The following ANKS3 variants were observed in gnomAD, a reference collection of about 807,000 sequenced individuals.
The protein encoded by ANKS3 is ankyrin repeat and SAM domain-containing protein 3.
In ANKS3, 62 loss-of-function variants were observed where a neutral mutation model predicts 80.7. The ratio of observed to expected loss-of-function variants is 0.77; its 90% CI spans 0.63 to 0.95. ANKS3 has a LOEUF of 0.95. ANKS3 is among the 40% of genes least tolerant of loss of function. ANKS3 has a pLI of 0.00. For missense variants in ANKS3, 1,150 were observed against 883.6 expected (o/e 1.30, Z -3.82); for synonymous variants, 489 against 355.3 (o/e 1.38, Z -4.23).
Position 4,726,763 on chromosome 16 carries a change from T to A in ANKS3, c.387A>T (p.Glu129Asp), listed in dbSNP as rs763248907. The A allele has an allele frequency of 1.9e-6, 3 of 1,613,974 alleles. No individual in the cohort carries two copies. Among genetic ancestry groups the A allele is most frequent in the South Asian group, 1.1e-5 (1 of 91,092 alleles). Residue 129 changes from glutamate to aspartate, a missense_variant, in exon 5 of 18, where the codon GAA (glutamate) becomes GAT (aspartate). Physicochemically the swap from Glu to Asp is conservative, Grantham distance 45. Coordinates refer to ENST00000304283, the MANE Select transcript of ANKS3 (RefSeq NM_133450.4). ...YFLLQQGAEL[E>D]MKDIQGWTAL... is the part of the protein sequence containing the mutation. ...CTGTCCAGCCCTGGATGTCTTTCAT[T>A]TCTAGCTCTGCACCTTGCTTCAAGA...
At chr16:4,724,451 T>C (rs2081254874) in intron 6 of ANKS3, among the ~76,000 whole-genome samples, 1 of 152,224 alleles carries the variant, frequency 6.6e-6, no homozygotes. Flanking sequence ...TCTTATTCTA[T>C]ATAATTTTTC....
chr16:4,713,193 G>T (rs1296569574), intron 7 of ANKS3, among the ~76,000 whole-genome samples: 1 of 152,098 alleles, frequency 6.6e-6, no homozygotes, highest in African/African-American at 2.4e-5. Flanking sequence ...GCTTGAACCT[G>T]GGAGGAAGAG....
At position 4,707,483 on chromosome 16, in the gene ANKS3, T is replaced by C. The variant is rs764360788; in HGVS notation, c.710-2230A>G. ...TTTGAGTAGAGACAAGGTTTCACCA[T>C]GTAGGCTGGACTGGTCTCGAACTCC... On this transcript the variant is annotated intron_variant, in intron 7 of 17. Coordinates refer to ENST00000304283, the MANE Select transcript of ANKS3 (RefSeq NM_133450.4). 2.0e-5 allele frequency among the ~76,000 whole-genome samples: 3 copies of C among 152,058 alleles called. No individual in the cohort carries two copies. In the South Asian group the frequency reaches 6.2e-4, roughly 32 times the overall value.
rs577897261 is a variant in ANKS3 at position 4,721,148 on chromosome 16, A to G, written c.573+3602T>C. 4.4e-3 allele frequency among the ~76,000 whole-genome samples: 654 copies of G among 149,360 alleles called. 6 individuals carry two copies. The highest frequency in any genetic ancestry group is 0.015 in the African/African-American group (622 of 40,816). Reference sequence around the variant, plus strand: ...GTGAAACCCCGTCTCTACTAAAAATATGAAAAATTAGCTGGGCATGGTGGC... The same window carrying G: ...GTGAAACCCCGTCTCTACTAAAAATGTGAAAAATTAGCTGGGCATGGTGGC... On this transcript the variant is annotated intron_variant, in intron 6 of 17. Coordinates refer to ENST00000304283, the MANE Select transcript of ANKS3 (RefSeq NM_133450.4).
chr16:4,710,505 T>C (rs1425382468), intron 7 of ANKS3, among the ~76,000 whole-genome samples: 1 of 152,146 alleles, frequency 6.6e-6, no homozygotes, highest in Non-Finnish European at 1.5e-5. Flanking sequence ...CTCAGGACTC[T>C]TGAGACCAGC....
intron 6 of ANKS3, among the ~76,000 whole-genome samples, chr16:4,717,893 T>G (rs1337415747): frequency 6.6e-6 from 1 of 151,930 alleles, no homozygotes; most frequent in Non-Finnish European, 1.5e-5. Flanking sequence ...CCTTCCGGGT[T>G]CAAGTGATTC....
chr16:4,709,254 A>G (rs2080362446), intron 7 of ANKS3, among the ~76,000 whole-genome samples: 1 of 151,800 alleles, frequency 6.6e-6, no homozygotes, highest in South Asian at 2.1e-4. Context: ...CAAAAATGCA[A>G]AATTAGCCAG....
At chr16:4,708,535 G>C (rs1459869765) in intron 7 of ANKS3, among the ~76,000 whole-genome samples, 1 of 152,088 alleles carries the variant, frequency 6.6e-6, no homozygotes, top group East Asian at 1.9e-4. Context: ...AAAAATAAAA[G>C]CAGAAATTAA....
At position 4,698,540 on chromosome 16, in the gene ANKS3, G is replaced by T. The variant is rs140897507; in HGVS notation, c.1611C>A (p.Ala537=). Residue 537 remains alanine (A), a synonymous_variant, in exon 14 of 18, where the codon GCC becomes GCA. Coordinates refer to ENST00000304283, the MANE Select transcript of ANKS3 (RefSeq NM_133450.4). ...GQVCQEQELR[A]VVESCLLEQD... ...GCTCCAGCAGGCAGCTCTCCACCAC[G>T]GCGCGCAGCTCCTGCTCCTGACACA... 4 of 1,577,920 alleles carry T rather than the reference G, an allele frequency of 2.5e-6. No individual in the cohort carries two copies. Among genetic ancestry groups the T allele is most frequent in the South Asian group, 1.1e-5 (1 of 88,582 alleles).
chr16:4,721,561 A>G (rs1232719934), intron 6 of ANKS3, among the ~76,000 whole-genome samples: 1 of 151,398 alleles, frequency 6.6e-6, no homozygotes, highest in Admixed American at 6.6e-5. Flanking sequence ...CAGTGAGCTG[A>G]GACTGCACCA....
At position 4,698,817 on chromosome 16, in the gene ANKS3, C is replaced by T. The variant is rs889913932; in HGVS notation, c.1534G>A (p.Ala512Thr). 9 of 1,606,374 alleles carry T rather than the reference C, an allele frequency of 5.6e-6. No homozygotes were observed. Among genetic ancestry groups the T allele is most frequent in the Admixed American group, 1.7e-5 (1 of 59,412 alleles). Residue 512 changes from alanine (A) to threonine (T), a missense_variant, in exon 13 of 18, where the codon GCC (alanine) becomes ACC (threonine). Ala to Thr is a moderately conservative substitution (Grantham distance 58). Transcript: ENST00000304283. Reference protein sequence around the residue: ...DRLEAEMQELAIQLHKRCEEV... With the variant: ...DRLEAEMQELTIQLHKRCEEV... ...CCACTCACCTTGTGCAGCTGGATGG[C>T]GAGCTCCTGCATCTCAGCCTCCAGC...
intron 10 of ANKS3, 109 bp downstream of exon 10, chr16:4,701,325 C>CGTGT: frequency 7.7e-7 from 1 of 1,302,784 alleles, no homozygotes; most frequent in Non-Finnish European, 1.1e-6. Flanking sequence ...GCAGCACACA[C>CGTGT]GTGCAGCAGC....
chr16:4,732,182 G>A (rs554436016), intron 1 of ANKS3, among the ~76,000 whole-genome samples: 5 of 152,264 alleles, frequency 3.3e-5, no homozygotes, highest in South Asian at 4.1e-4. Flanking sequence ...CACCTCTTCA[G>A]CTAGCAGAGC....
At chr16:4,721,945 T>G (rs1417222758) in intron 6 of ANKS3, among the ~76,000 whole-genome samples, 1 of 151,322 alleles carries the variant, frequency 6.6e-6, no homozygotes, top group African/African-American at 2.4e-5. Context: ...CCCGTCTCTT[T>G]ATACACCAAT....
rs183342328 is a variant in ANKS3, at chr16:4,703,621, A to G, written c.869-1379T>C. The stretch of plus-strand genomic sequence containing the variant: ...TTTTTAGTAAAGATGGGATTTCACC[A>G]TGTTGGCCAGGATGGTCTGGATCTC... On this transcript the variant is annotated intron_variant, in intron 8 of 17. Transcript: ENST00000304283. Among the ~76,000 whole-genome samples the G allele has an allele frequency of 1.6e-3, 239 of 150,796 alleles. 3 individuals carry two copies. Among genetic ancestry groups the G allele is most frequent in the African/African-American group, 5.4e-3 (223 of 40,924 alleles).
intron 7 of ANKS3, among the ~76,000 whole-genome samples, chr16:4,708,136 G>T (rs1204069088): frequency 5.4e-5 from 8 of 148,338 alleles, no homozygotes; most frequent in African/African-American, 2.0e-4. Context: ...TATATATATA[G>T]ATAGATCAGT....
chr16:4,707,260 T>G (rs1035311230), intron 7 of ANKS3, among the ~76,000 whole-genome samples: 1 of 148,296 alleles, frequency 6.7e-6, no homozygotes, highest in African/African-American at 2.5e-5. Flanking sequence ...CAAAACACAT[T>G]AAATATGACA....
Position 4,696,760 on chromosome 16 carries a change from C to CTT in ANKS3, c.*147_*148insAA. 1.8e-6 allele frequency: 1 copy of CTT among 551,042 alleles called. No homozygotes were observed. 34.1% of individuals were successfully genotyped at this position (551,042 alleles called of 1,614,324 possible). A position where few individuals can be genotyped will look rare whatever the true frequency, so the allele number is the denominator to read the frequency against. On this transcript the variant is annotated 3_prime_UTR_variant, in exon 18 of 18. Coordinates refer to ENST00000304283, the MANE Select transcript of ANKS3 (RefSeq NM_133450.4). ...CAGGGCCGCAGCCCCCGTCTTGCCT[C>CTT]TGTCTGCCGGCTGCTCCCGGGGCCT...
intron 6 of ANKS3, among the ~76,000 whole-genome samples, chr16:4,715,550 C>G (rs1044735806): frequency 6.6e-6 from 1 of 152,132 alleles, no homozygotes; most frequent in African/African-American, 2.4e-5. Context: ...GAGCTGAGAT[C>G]GCACCACTGT....
Sources: gnomAD v4.1 joint callset for allele counts (sites outside exome capture counted in the v4.1 genomes callset) on GRCh38, gnomAD v4.1.1 for gene constraint, MANE v1.5 for transcripts, NCBI Gene and HGNC (gene_info 2026-07-23, HGNC 2026-07-21) for gene names.